The following CTNNA2 variants were observed in gnomAD, a reference collection of about 807,000 sequenced individuals.
The protein encoded by CTNNA2 is catenin alpha-2.
A neutral mutation model predicts 101.0 loss-of-function variants in CTNNA2; 42 were observed. The observed-to-expected ratio is 0.42, with a 90% CI of 0.32 to 0.54. The LOEUF (loss-of-function observed/expected upper bound fraction) is 0.54. Among genes scored for constraint, CTNNA2 ranks in the 20% least tolerant of loss-of-function variants. CTNNA2 has a pLI of 0.14. For missense variants in CTNNA2, 871 were observed against 1,223.1 expected (o/e 0.71, Z 4.29); for synonymous variants, 450 against 456.4 (o/e 0.99, Z 0.18).
intron 7 of CTNNA2, among the ~76,000 whole-genome samples, chr2:80,351,648 C>T (rs2149299018): frequency 6.6e-6 from 1 of 152,172 alleles, no homozygotes; most frequent in Non-Finnish European, 1.5e-5. Context: ...GGGGGGTAAG[C>T]AGAGGGGCGT....
chr2:79,202,327 GT>G (rs1344836637), intron 2 of CTNNA2, among the ~76,000 whole-genome samples: 1 of 129,432 alleles, frequency 7.7e-6, no homozygotes, highest in Non-Finnish European at 1.7e-5. Context: ...CCACACACTT[GT>G]TTTTTTATTT....
intron 7 of CTNNA2, among the ~76,000 whole-genome samples, chr2:80,379,225 G>A (rs2149345812): frequency 6.6e-6 from 1 of 152,208 alleles, no homozygotes; most frequent in East Asian, 1.9e-4. Flanking sequence ...ACTTGCAAAA[G>A]TTTCTTAAGC....
intron 7 of CTNNA2, among the ~76,000 whole-genome samples, chr2:79,956,851 T>TTTCTTTTTTTTTC (rs1217930804): frequency 1.2e-5 from 1 of 82,404 alleles, no homozygotes; most frequent in South Asian, 3.5e-4. Flanking sequence ...GGGTTTTTTT[T>TTTCTTTTTTTTTC]TTTTTTTTTT....
intron 2 of CTNNA2, among the ~76,000 whole-genome samples, chr2:79,216,402 G>A (rs990770317): frequency 1.3e-5 from 2 of 151,872 alleles, no homozygotes. Context: ...TGGTCGGGGT[G>A]CGGAAATAAA....
intron 7 of CTNNA2, among the ~76,000 whole-genome samples, chr2:80,389,363 A>T (rs1677294798): frequency 6.6e-6 from 1 of 152,112 alleles, no homozygotes; most frequent in South Asian, 2.1e-4. Flanking sequence ...GTCAAGGATC[A>T]TGGAGGCTAA....
Position 79,295,522 on chromosome 2 carries a change from C to CT in CTNNA2, c.-405-17177dup, listed in dbSNP as rs1038375706. On this transcript the variant is annotated intron_variant, in intron 2 of 21. Transcript: ENST00000466387. Reference sequence around the variant, plus strand: ...TTTTTTTCTTTTTCTTTCTTTCTTTCTTTTTTTTTTATTTCACCCTCTCCC... The same window carrying CT: ...TTTTTTTCTTTTTCTTTCTTTCTTTCTTTTTTTTTTTATTTCACCCTCTCCC... 4.6e-3 allele frequency among the ~76,000 whole-genome samples: 672 copies of CT among 147,276 alleles called. 10 individuals carry two copies. Among genetic ancestry groups the CT allele is most frequent in the African/African-American group, 0.014 (583 of 40,268 alleles).
chr2:79,251,614 G>A (rs188437222), intron 2 of CTNNA2, among the ~76,000 whole-genome samples: 132 of 152,098 alleles, frequency 8.7e-4, no homozygotes, highest in African/African-American at 2.5e-3. Context: ...GAAGCCAGCC[G>A]TCATGTTGTG....
rs75155924 is a variant in CTNNA2 at position 80,105,448 on chromosome 2, G to C, written c.1056+195651G>C. ...ACTGTTAAAGACTTAACTTGGCTGA[G>C]TGCAGTAGCTCACACGTATAATCTC... is the stretch of plus-strand genomic sequence containing the variant. On this transcript the variant is annotated intron_variant, in intron 7 of 18. Transcript: ENST00000402739. 5.8e-3 allele frequency among the ~76,000 whole-genome samples: 883 copies of C among 152,332 alleles called. 9 individuals are homozygous for C. The highest frequency in any genetic ancestry group is 0.02 in the African/African-American group (828 of 41,572).
At chr2:80,250,214 T>A (rs1461500462) in intron 7 of CTNNA2, among the ~76,000 whole-genome samples, 1 of 151,474 alleles carries the variant, frequency 6.6e-6, no homozygotes, top group Non-Finnish European at 1.5e-5. Context: ...AGTGTGTGTG[T>A]GTGTGTGTGT....
At chr2:80,214,663 C>T (rs868471814) in intron 7 of CTNNA2, among the ~76,000 whole-genome samples, 5 of 152,004 alleles carry the variant, frequency 3.3e-5, no homozygotes, top group African/African-American at 4.8e-5. Context: ...GTGGGTAACC[C>T]GACCTCTCTC....
At chr2:80,116,533 T>C (rs1007438905) in intron 7 of CTNNA2, among the ~76,000 whole-genome samples, 7 of 152,166 alleles carry the variant, frequency 4.6e-5, no homozygotes, top group African/African-American at 1.7e-4. Context: ...TACATGTGTA[T>C]GTGTGTGTTA....
chr2:80,091,848 T>A (rs1867806), intron 7 of CTNNA2, among the ~76,000 whole-genome samples: 79,664 of 151,908 alleles, frequency 0.52, 23,727 homozygotes, highest in African/African-American at 0.78. Flanking sequence ...ACAGGAGCAT[T>A]TCCTAATCAA....
At chr2:79,229,838 G>C (rs545380848) in intron 2 of CTNNA2, among the ~76,000 whole-genome samples, 1 of 152,222 alleles carries the variant, frequency 6.6e-6, no homozygotes, top group Admixed American at 6.5e-5. Context: ...TGAGGAACTT[G>C]TTGGGAACTG....
At chr2:79,868,764 G>T (rs1486994030) in intron 4 of CTNNA2, among the ~76,000 whole-genome samples, 1 of 152,182 alleles carries the variant, frequency 6.6e-6, no homozygotes, top group South Asian at 2.1e-4. Context: ...CTCAGGAAAT[G>T]GAACTAGTCG....
chr2:79,245,531 G>A (rs2104263116), intron 2 of CTNNA2, among the ~76,000 whole-genome samples: 1 of 152,276 alleles, frequency 6.6e-6, no homozygotes, highest in South Asian at 2.1e-4. Flanking sequence ...CCTTCCCAAG[G>A]ATGGGCCTGG....
chr2:80,470,101 T>A (rs1184736773), intron 9 of CTNNA2, among the ~76,000 whole-genome samples: 1 of 152,064 alleles, frequency 6.6e-6, no homozygotes, highest in Admixed American at 6.6e-5. Context: ...AGCATGCTCA[T>A]TCAGAGCCCA....
At chr2:79,626,491 G>A (rs906832398) in intron 1 of CTNNA2, among the ~76,000 whole-genome samples, 1 of 152,082 alleles carries the variant, frequency 6.6e-6, no homozygotes, top group Non-Finnish European at 1.5e-5. Flanking sequence ...CAAACTTCTT[G>A]AACTTGCTCT....
intron 7 of CTNNA2, among the ~76,000 whole-genome samples, chr2:80,371,853 C>A (rs977574941): frequency 2.0e-5 from 3 of 152,030 alleles, no homozygotes; most frequent in African/African-American, 7.2e-5. Context: ...GAATTTCAGG[C>A]AGGTGAGTGA....
rs187652037 is a variant in CTNNA2 at position 79,194,230 on chromosome 2, A to T, written c.-523-3729A>T. ...TGAGAGGGTTTTTGAGCTGCTGTGA[A>T]TAAAACTGTTGGTGGAGGGCAAGCT... On this transcript the variant is annotated intron_variant, in intron 1 of 21. Coordinates refer to the CTNNA2 transcript ENST00000466387. Among the ~76,000 whole-genome samples, 223 of 152,300 alleles carry T rather than the reference A, an allele frequency of 1.5e-3. 2 individuals are homozygous for T. The highest frequency in any genetic ancestry group is 5.1e-3 in the African/African-American group (210 of 41,568).
Sources: gnomAD v4.1 joint callset for allele counts (sites outside exome capture counted in the v4.1 genomes callset) on GRCh38, gnomAD v4.1.1 for gene constraint, MANE v1.5 for transcripts, NCBI Gene and HGNC (gene_info 2026-07-23, HGNC 2026-07-21) for gene names.